BIN2: variants seen among roughly 807,000 people sequenced by gnomAD.
BIN2 encodes breast cancer associated protein BRAP1.
In BIN2, 43 loss-of-function variants were observed where a neutral mutation model predicts 67.9. The observed-to-expected ratio is 0.63, with a 90% CI of 0.50 to 0.82. BIN2 has a LOEUF of 0.82. Ranked by LOEUF, BIN2 falls within the 40% of genes least tolerant of loss-of-function variation. The pLI, the probability that BIN2 is intolerant of heterozygous loss-of-function variation, is 0.00. For synonymous variants in BIN2, 244 were observed against 246.8 expected, an observed-to-expected ratio of 0.99 and a Z score of 0.11; for missense variants, 581 against 671.6, an observed-to-expected ratio of 0.87 and a Z score of 1.49.
In BIN2 at chr12:51,305,638, T is replaced by A. The variant is rs562474117; in HGVS notation, c.163-2497A>T. Among the ~76,000 whole-genome samples, 247 of 145,664 alleles carry A rather than the reference T, an allele frequency of 1.7e-3. 3 individuals carry two copies. The highest frequency in any genetic ancestry group is 2.6e-3 in the Non-Finnish European group (173 of 66,266). ...AACTCCATCTCAAAAAAAAAAAAAATGAGAAAAAAAGGAAAATTCAGAAAA... is the reference window on the plus strand; with the variant it reads ...AACTCCATCTCAAAAAAAAAAAAAAAGAGAAAAAAAGGAAAATTCAGAAAA... On this transcript the variant is annotated intron_variant, in intron 2 of 12. Transcript: ENST00000615107.
At chr12:51,300,610 C>T (rs2137393912) in intron 5 of BIN2, among the ~76,000 whole-genome samples, 1 of 152,318 alleles carries the variant, frequency 6.6e-6, no homozygotes, top group South Asian at 2.1e-4. Context: ...AGAAAGTCTA[C>T]TCAGCCTTAT....
In BIN2 at chr12:51,302,127, A is replaced by G; in HGVS notation, c.313-12T>C. 1.9e-6 allele frequency: 3 copies of G among 1,590,438 alleles called. No individual in the cohort carries two copies. Among genetic ancestry groups the G allele is most frequent in the Non-Finnish European group, 2.6e-6 (3 of 1,159,526 alleles). ...AGGAGATCATTATTCTGTAGGATAG[A>G]GTCAGAGGCTGGTGAAGGCTCCACT... is the stretch of plus-strand genomic sequence containing the variant. On this transcript the variant is annotated splice_polypyrimidine_tract_variant and intron_variant, in intron 4 of 12. Transcript: ENST00000615107.
intron 2 of BIN2, among the ~76,000 whole-genome samples, chr12:51,303,590 T>A (rs1300854307): frequency 1.3e-5 from 2 of 152,200 alleles, no homozygotes. Context: ...ACTTTACCCT[T>A]CCCTTCCATC....
At chr12:51,305,598 T>C (rs1945846524) in intron 2 of BIN2, among the ~76,000 whole-genome samples, 1 of 145,852 alleles carries the variant, frequency 6.9e-6, no homozygotes, top group African/African-American at 2.5e-5. Context: ...TACTCCACCC[T>C]GGGCAACAGA....
intron 4 of BIN2, chr12:51,302,360 C>T: frequency 1.9e-6 from 1 of 532,298 alleles, no homozygotes; most frequent in Non-Finnish European, 3.4e-6. Flanking sequence ...GCCTTGGACT[C>T]CAGAGCTTAG....
intron 11 of BIN2, among the ~76,000 whole-genome samples, chr12:51,287,338 GT>G (rs200002209): frequency 4.6e-4 from 65 of 139,800 alleles, no homozygotes; most frequent in African/African-American, 8.4e-4. Context: ...GTTTTTTTTT[GT>G]TTTTTTTTTT....
intron 1 of BIN2, among the ~76,000 whole-genome samples, chr12:51,315,504 G>A (rs969510158): frequency 6.6e-6 from 1 of 152,114 alleles, no homozygotes; most frequent in Admixed American, 6.6e-5. Flanking sequence ...TTTTTGAGAA[G>A]GAAGGAGAAA....
At chr12:51,313,505 A>AT (rs1946050147) in intron 2 of BIN2, among the ~76,000 whole-genome samples, 1 of 151,348 alleles carries the variant, frequency 6.6e-6, no homozygotes, top group African/African-American at 2.4e-5. Flanking sequence ...TGCCCAGCTA[A>AT]TTTTTTTGTA....
At chr12:51,322,234 G>T (rs968807215) in intron 1 of BIN2, among the ~76,000 whole-genome samples, 7 of 152,146 alleles carry the variant, frequency 4.6e-5, no homozygotes, top group Non-Finnish European at 1.0e-4. Flanking sequence ...TTTTACAGGT[G>T]CAAGATCTGA....
chr12:51,287,560 C>T (rs1232344473), intron 11 of BIN2, among the ~76,000 whole-genome samples: 2 of 151,726 alleles, frequency 1.3e-5, no homozygotes, highest in African/African-American at 2.4e-5. Context: ...CTCAAACTCT[C>T]GAACTCCTGA....
chr12:51,305,190 G>A (rs1565682954), intron 2 of BIN2, among the ~76,000 whole-genome samples: 1 of 151,670 alleles, frequency 6.6e-6, no homozygotes, highest in African/African-American at 2.4e-5. Context: ...TAAAAAATTA[G>A]CAGGGTGTGG....
intron 10 of BIN2, among the ~76,000 whole-genome samples, chr12:51,290,421 G>A (rs1051389401): frequency 2.0e-5 from 3 of 151,920 alleles, no homozygotes; most frequent in Non-Finnish European, 2.9e-5. Context: ...GAGACACGAC[G>A]CCCGGCTTCA....
intron 1 of BIN2, among the ~76,000 whole-genome samples, chr12:51,315,183 T>A (rs1344141489): frequency 1.3e-5 from 2 of 152,000 alleles, no homozygotes; most frequent in African/African-American, 4.8e-5. Flanking sequence ...TATTTTTTTT[T>A]TTTTGAGACG....
rs1308688895 is a variant in BIN2, at chr12:51,313,971, G to C, written c.82-68C>G. 4 of 1,200,264 alleles carry C rather than the reference G, an allele frequency of 3.3e-6. No homozygotes were observed. In the East Asian group the frequency reaches 9.4e-5, roughly 28 times the overall value. The allele number at this position is 1,200,264 out of a possible 1,614,324, so 74.4% of individuals were successfully genotyped here. A position where few individuals can be genotyped will look rare whatever the true frequency, so the allele number is the denominator to read the frequency against. ...TCTCTCTTACATGTTGGCCTCATAT[G>C]ACCCTGGCTTCAGTCAAGAATCTCA... On this transcript the variant is annotated intron_variant, in intron 1 of 12. Coordinates refer to ENST00000615107, the MANE Select transcript of BIN2 (RefSeq NM_016293.4).
At chr12:51,292,420 T>C (rs7306505) in intron 9 of BIN2, 76 bp from the exon 10 acceptor site, 1,137,424 of 1,336,264 alleles carry the variant, frequency 0.85, 487,358 homozygotes, top group South Asian at 0.88. Flanking sequence ...TTACGATGCA[T>C]GTAATAAAAA....
In BIN2 at chr12:51,289,677, C is replaced by T. The variant is rs950264205; in HGVS notation, c.1516-1489G>A. 4.6e-5 allele frequency among the ~76,000 whole-genome samples: 7 copies of T among 152,064 alleles called. No homozygotes were observed. In the East Asian group the frequency reaches 1.4e-3, roughly 29 times the overall value. ...TACAGATCCTTCACAGAACTAGTTG[C>T]TCTTCAATGGGTTGGCATCTCTCAA... On this transcript the variant is annotated intron_variant, in intron 10 of 12. Transcript: ENST00000615107.
intron 5 of BIN2, 131 bp downstream of exon 5, chr12:51,301,889 T>A: frequency 1.5e-6 from 1 of 645,484 alleles, no homozygotes; most frequent in South Asian, 1.8e-5. Flanking sequence ...TCAACCTTAA[T>A]CTTTCTCCTA....
At chr12:51,296,519 C>T (rs899706331) in intron 8 of BIN2, among the ~76,000 whole-genome samples, 5 of 151,630 alleles carry the variant, frequency 3.3e-5, no homozygotes, top group African/African-American at 1.2e-4. Context: ...ACCAAAAAAC[C>T]TCATTTTTAA....
chr12:51,303,295 C>T (rs1266660488), intron 2 of BIN2, among the ~76,000 whole-genome samples, 154 bp from the exon 3 acceptor site: 3 of 152,204 alleles, frequency 2.0e-5, no homozygotes, highest in Admixed American at 6.5e-5. Flanking sequence ...ACTTTCTTTA[C>T]CAACCTGTTG....
Sources: allele counts gnomAD v4.1 joint callset (sites outside exome capture counted in the v4.1 genomes callset), GRCh38; gene constraint gnomAD v4.1.1; transcripts MANE v1.5; gene names NCBI Gene and HGNC (gene_info 2026-07-23, HGNC 2026-07-21).